MAP3K5: variants seen among roughly 807,000 people sequenced by gnomAD.
MAP3K5 encodes mitogen-activated protein kinase kinase kinase 5.
A neutral mutation model predicts 158.7 loss-of-function variants in MAP3K5; 56 were observed. The ratio of observed to expected loss-of-function variants is 0.35; its 90% CI spans 0.28 to 0.44. MAP3K5 has a LOEUF of 0.44. Ranked by LOEUF, MAP3K5 falls within the 20% of genes least tolerant of loss-of-function variation. The pLI, the probability that MAP3K5 is intolerant of heterozygous loss-of-function variation, is 1.00. For synonymous variants in MAP3K5, 579 were observed against 601.7 expected (o/e 0.96, Z 0.55); for missense variants, 1,294 against 1,674.8 (o/e 0.77, Z 3.97).
intron 17 of MAP3K5, among the ~76,000 whole-genome samples, 170 bp from the exon 18 acceptor site, chr6:136,611,557 T>C (rs919502731): frequency 1.3e-5 from 2 of 152,232 alleles, no homozygotes; most frequent in African/African-American, 4.8e-5. Context: ...CTTGACACTA[T>C]TTTTTGTTTA....
At chr6:136,717,764 A>G (rs4896217) in intron 2 of MAP3K5, among the ~76,000 whole-genome samples, 62,952 of 151,984 alleles carry the variant, frequency 0.41, 14,011 homozygotes, top group Non-Finnish European at 0.5. Flanking sequence ...AACTTTCAGG[A>G]CTCAGAGGAA....
At chr6:136,691,858 T>C (rs1002073722) in intron 7 of MAP3K5, among the ~76,000 whole-genome samples, 1 of 152,170 alleles carries the variant, frequency 6.6e-6, no homozygotes, top group African/African-American at 2.4e-5. Flanking sequence ...AAATATCTCC[T>C]ATAATTCCTC....
intron 1 of MAP3K5, among the ~76,000 whole-genome samples, chr6:136,763,167 AT>A (rs1230619026): frequency 1.3e-5 from 2 of 151,822 alleles, no homozygotes; most frequent in African/African-American, 4.8e-5. Flanking sequence ...TAATTTTTTC[AT>A]TTTTTTGTAG....
At chr6:136,588,328 C>T (rs928729064) in intron 23 of MAP3K5, among the ~76,000 whole-genome samples, 9 of 152,192 alleles carry the variant, frequency 5.9e-5, no homozygotes, top group Non-Finnish European at 1.2e-4. Flanking sequence ...TGCATGACTT[C>T]GGCAAACTAC....
At chr6:136,597,113 G>A (rs970686407) in intron 21 of MAP3K5, among the ~76,000 whole-genome samples, 2 of 152,192 alleles carry the variant, frequency 1.3e-5, no homozygotes, top group African/African-American at 2.4e-5. Flanking sequence ...CTGAGGATAG[G>A]ACATGTCAAA....
At chr6:136,599,513 C>T (rs966171461) in intron 21 of MAP3K5, among the ~76,000 whole-genome samples, 1 of 151,994 alleles carries the variant, frequency 6.6e-6, no homozygotes, top group African/African-American at 2.4e-5. Flanking sequence ...CATATATGCA[C>T]GCTCTTGCCA....
intron 17 of MAP3K5, among the ~76,000 whole-genome samples, chr6:136,611,688 GT>G (rs1398034344): frequency 6.6e-6 from 1 of 152,096 alleles, no homozygotes; most frequent in African/African-American, 2.4e-5. Flanking sequence ...ACTGCCCTTG[GT>G]CATTCCAGGG....
chr6:136,640,260 T>C (rs2114290116), intron 12 of MAP3K5, among the ~76,000 whole-genome samples: 1 of 152,358 alleles, frequency 6.6e-6, no homozygotes, highest in Admixed American at 6.5e-5. Context: ...CTTTAGGTTT[T>C]TCAGGCCACA....
chr6:136,665,385 C>T (rs991731172), intron 8 of MAP3K5, among the ~76,000 whole-genome samples: 1 of 145,074 alleles, frequency 6.9e-6, no homozygotes, highest in Non-Finnish European at 1.5e-5. Flanking sequence ...TCGCTCTTGT[C>T]GCCCAGGCTG....
At chr6:136,791,650 G>T (rs1785081960) in intron 1 of MAP3K5, 60 bp downstream of exon 1, 2 of 1,560,058 alleles carry the variant, frequency 1.3e-6, no homozygotes, top group Admixed American at 1.7e-5. Context: ...ATGCCCCGAA[G>T]ACCGCCAGAT....
intron 11 of MAP3K5, among the ~76,000 whole-genome samples, chr6:136,642,893 T>C (rs1295771051): frequency 4.6e-5 from 7 of 152,232 alleles, no homozygotes; most frequent in Admixed American, 3.9e-4. Flanking sequence ...ATGATCAAGG[T>C]AATTCTATTA....
At chr6:136,615,490 C>T (rs1159036354) in intron 15 of MAP3K5, among the ~76,000 whole-genome samples, 1 of 152,138 alleles carries the variant, frequency 6.6e-6, no homozygotes, top group African/African-American at 2.4e-5. Context: ...ATTTGGCTAT[C>T]ATCTCTCTCC....
chr6:136,705,261 AGATT>A, intron 2 of MAP3K5, 128 bp from the exon 3 acceptor site: 1 of 469,378 alleles, frequency 2.1e-6, no homozygotes, highest in Non-Finnish European at 3.8e-6. Context: ...TAGGAACTGT[AGATT>A]CAGTTCCTGC....
At chr6:136,774,407 A>C (rs1784330246) in intron 1 of MAP3K5, among the ~76,000 whole-genome samples, 1 of 152,154 alleles carries the variant, frequency 6.6e-6, no homozygotes, top group Non-Finnish European at 1.5e-5. Flanking sequence ...GTGAGCTGTG[A>C]TCGCACCACT....
intron 7 of MAP3K5, among the ~76,000 whole-genome samples, chr6:136,671,492 T>G (rs146048067): frequency 1.4e-4 from 21 of 152,316 alleles, no homozygotes; most frequent in African/African-American, 3.8e-4. Context: ...ACGAAAGAAA[T>G]AAAATCCTGG....
intron 21 of MAP3K5, chr6:136,593,713 G>GC (rs1554282287): frequency 8.8e-6 from 3 of 340,244 alleles, no homozygotes; most frequent in African/African-American, 8.6e-5. Flanking sequence ...GGACAGATAT[G>GC]CAAAAAAAAA....
At chr6:136,631,230 A>G (rs1482313493) in intron 14 of MAP3K5, among the ~76,000 whole-genome samples, 1 of 152,240 alleles carries the variant, frequency 6.6e-6, no homozygotes, top group Non-Finnish European at 1.5e-5. Context: ...CGTTCCCAAC[A>G]GAATGAATGA....
intron 7 of MAP3K5, among the ~76,000 whole-genome samples, chr6:136,692,730 T>C (rs1338360988): frequency 6.6e-6 from 1 of 152,204 alleles, no homozygotes; most frequent in African/African-American, 2.4e-5. Flanking sequence ...TATGGCGTTT[T>C]TAAGCCTTGT....
chr6:136,662,608 T>C (rs1779054312), intron 8 of MAP3K5, among the ~76,000 whole-genome samples: 2 of 151,994 alleles, frequency 1.3e-5, no homozygotes, highest in Admixed American at 6.6e-5. Context: ...ACACAGAATA[T>C]AGAAATAAAC....
Sources: allele counts gnomAD v4.1 joint callset (sites outside exome capture counted in the v4.1 genomes callset), GRCh38; gene constraint gnomAD v4.1.1; transcripts MANE v1.5; gene names NCBI Gene and HGNC (gene_info 2026-07-23, HGNC 2026-07-21).